Variants in FER1L5 observed in about 807,000 individuals in gnomAD.
FER1L5 encodes the protein fer-1-like protein 5.
In FER1L5, 187 loss-of-function variants were observed where a neutral mutation model predicts 279.9. The observed-to-expected ratio is 0.67, with a 90% CI of 0.59 to 0.75. The LOEUF (loss-of-function observed/expected upper bound fraction) is 0.75. FER1L5 is among the 30% of genes least tolerant of loss of function. FER1L5 has a pLI of 0.00. For synonymous variants in FER1L5, 921 were observed against 989.7 expected (o/e 0.93, Z 1.30); for missense variants, 2,091 against 2,594.4 (o/e 0.81, Z 4.21).
rs781349656 is a variant in FER1L5, at chr2:96,694,353, C to T, written c.3637-7C>T. On this transcript the variant is annotated splice_polypyrimidine_tract_variant and splice_region_variant and intron_variant, in intron 33 of 52. Transcript: ENST00000624922. This position sits in a 1 kb window ranked among gnomAD's most constrained non-coding sequence, Gnocchi z 4.6. ...CAGAGGGCCTCATGCTCCCTGCCCT[C>T]CCCCAGAAGCTTGGAGAGAAGCAGC... is the stretch of plus-strand genomic sequence containing the variant. 9 of 1,544,538 alleles carry T rather than the reference C, an allele frequency of 5.8e-6. No homozygotes were observed. In the African/African-American group the frequency reaches 9.6e-5, roughly 16 times the overall value.
In FER1L5 at chr2:96,653,640, A is replaced by G; in HGVS notation, c.634A>G (p.Ile212Val). The change falls in exon 8 of 53, where the codon ATC (isoleucine) becomes GTC (valine). Residue 212 changes from isoleucine to valine, a missense_variant and splice_region_variant. Physicochemically the swap from Ile to Val is conservative, Grantham distance 29. Transcript: ENST00000624922. ...KMGNNPFFNE[I>V]FFQNFHEVPA... ...TCTACCCCAATTCTCTTTGCCTCAGATCTTCTTCCAGAATTTTCATGAGGT... is the reference window on the plus strand; with the variant it reads ...TCTACCCCAATTCTCTTTGCCTCAGGTCTTCTTCCAGAATTTTCATGAGGT... 1 of 1,551,274 alleles carries G rather than the reference A, an allele frequency of 6.4e-7. No homozygotes were observed. Among genetic ancestry groups the G allele is most frequent in the Non-Finnish European group, 8.7e-7 (1 of 1,146,662 alleles).
At chr2:96,669,298 G>A (rs1013474959) in intron 17 of FER1L5, among the ~76,000 whole-genome samples, 161 bp downstream of exon 17, 9 of 152,182 alleles carry the variant, frequency 5.9e-5, no homozygotes, top group Non-Finnish European at 1.3e-4. Flanking sequence ...GTGCATGTGG[G>A]ACAGGCGTGG....
intron 9 of FER1L5, among the ~76,000 whole-genome samples, chr2:96,659,458 T>C (rs1163888884): frequency 1.1e-4 from 3 of 27,060 alleles, no homozygotes; most frequent in South Asian, 2.2e-3. Flanking sequence ...TCTTTCTTTC[T>C]TTCTTTCTTT....
Position 96,689,786 on chromosome 2 carries a change from T to G in FER1L5, c.2640+28T>G. 1 of 1,518,082 alleles carries G rather than the reference T, an allele frequency of 6.6e-7. No individual in the cohort carries two copies. The highest frequency in any genetic ancestry group is 8.9e-7 in the Non-Finnish European group (1 of 1,129,494). 94.0% of individuals were successfully genotyped at this position (1,518,082 alleles called of 1,614,324 possible). On this transcript the variant is annotated intron_variant, in intron 26 of 52. Transcript: ENST00000624922. The surrounding 1 kb of genome is among the most constrained non-coding windows in gnomAD (Gnocchi z 4.6). The stretch of plus-strand genomic sequence containing the variant: ...GAGCAGGGCCGAAGCTGCCTCGGGT[T>G]AGGGGGCAAGCAAGGCCACCAGGCG...
chr2:96,694,430 G>A lies in FER1L5; in HGVS notation c.3707G>A (p.Ser1236Asn). 3 of 1,549,402 alleles carry A rather than the reference G, an allele frequency of 1.9e-6. No homozygotes were observed. The highest frequency in any genetic ancestry group is 2.6e-6 in the Non-Finnish European group (3 of 1,145,660). ...WKNGAYTLPKSIQPTIKRMAI... is the reference protein window; with the variant it reads ...WKNGAYTLPKNIQPTIKRMAI... ...AATGGGGCATACACACTCCCCAAGA[G>A]CATCCAGCCCACGATAAAGAGGATG... is the stretch of plus-strand genomic sequence containing the variant. The change falls in exon 34 of 53, where the codon AGC (serine) becomes AAC (asparagine). Residue 1236 changes from serine (S) to asparagine (N), a missense_variant. Physicochemically the swap from Ser to Asn is conservative, Grantham distance 46. Coordinates refer to ENST00000624922, the MANE Select transcript of FER1L5 (RefSeq NM_001293083.2). The surrounding 1 kb of genome is among the most constrained non-coding windows in gnomAD (Gnocchi z 4.6).
chr2:96,680,540 C>T (rs751150293), intron 19 of FER1L5, among the ~76,000 whole-genome samples: 32 of 151,802 alleles, frequency 2.1e-4, no homozygotes, highest in Non-Finnish European at 4.3e-4. Context: ...ATAGAAAGTC[C>T]TTAGGTGACC....
chr2:96,670,745 C>G (rs1246097472), intron 18 of FER1L5, among the ~76,000 whole-genome samples: 1 of 151,022 alleles, frequency 6.6e-6, no homozygotes, highest in Non-Finnish European at 1.5e-5. Context: ...GAGATTGTGC[C>G]ACTGCACTCC....
Position 96,673,123 on chromosome 2 carries a change from C to A in FER1L5, c.1538C>A (p.Ser513Tyr). The A allele has an allele frequency of 6.4e-7, 1 of 1,551,616 alleles. No individual in the cohort carries two copies. Among genetic ancestry groups the A allele is most frequent in the Non-Finnish European group, 8.7e-7 (1 of 1,146,966 alleles). ...QKYGLCVIFL[S>Y]CTMMPNFKEL... ...TATGGGCTGTGCGTCATCTTCCTTT[C>A]CTGTACCATGATGCCCAACTTTAAA... Residue 513 changes from serine to tyrosine, a missense_variant, in exon 19 of 53, where the codon TCC becomes TAC. Physicochemically the swap from Ser to Tyr is moderately radical, Grantham distance 144. Transcript: ENST00000624922.
intron 8 of FER1L5, chr2:96,654,013 A>C: frequency 2.5e-6 from 1 of 405,456 alleles, no homozygotes; most frequent in Non-Finnish European, 4.4e-6. Context: ...TTCCCTAACC[A>C]AAGGGAGCCA....
rs1033067158 is a variant in FER1L5 at position 96,694,821 on chromosome 2, A to G, written c.3741+357A>G. ...GATGCAGGGACTAACTGACAGGGCC[A>G]TTTAGGCCCAGCCCTGTCTGACTGC... On this transcript the variant is annotated intron_variant, in intron 34 of 52. Transcript: ENST00000624922. This position sits in a 1 kb window ranked among gnomAD's most constrained non-coding sequence, Gnocchi z 4.6. 2 of 175,158 alleles carry G rather than the reference A, an allele frequency of 1.1e-5. No homozygotes were observed. The highest frequency in any genetic ancestry group is 2.4e-5 in the African/African-American group (1 of 42,432). The allele number at this position is 175,158 out of a possible 1,614,324, so 10.9% of individuals were successfully genotyped here.
At chr2:96,693,345 G>A (rs890730556) in intron 31 of FER1L5, among the ~76,000 whole-genome samples, 161 bp from the exon 32 acceptor site, 5 of 152,144 alleles carry the variant, frequency 3.3e-5, no homozygotes, top group East Asian at 1.9e-4. Flanking sequence ...GACAGGCCCC[G>A]GTGCTCTGCA....
rs368369982 is a variant in FER1L5 at position 96,694,489 on chromosome 2, G to A, written c.3741+25G>A. The A allele has an allele frequency of 2.6e-6, 4 of 1,520,452 alleles. No homozygotes were observed. Among genetic ancestry groups the A allele is most frequent in the East Asian group, 2.5e-5 (1 of 40,068 alleles). The allele number at this position is 1,520,452 out of a possible 1,614,324, so 94.2% of individuals were successfully genotyped here. A position where few individuals can be genotyped will look rare whatever the true frequency, so the allele number is the denominator to read the frequency against. ...GGTGCTGGCGATGTGGGATGGGGAC[G>A]GTGGGCAGGACAGGCGGGGGTGGTC... On this transcript the variant is annotated intron_variant, in intron 34 of 52. Coordinates refer to ENST00000624922, the MANE Select transcript of FER1L5 (RefSeq NM_001293083.2). This position sits in a 1 kb window ranked among gnomAD's most constrained non-coding sequence, Gnocchi z 4.6.
chr2:96,662,283 TTC>T lies in FER1L5; in HGVS notation c.1071+18_1071+19del. ...TGGGGAAAAGGTAAGTGTAGAAATATTCTGAGACCCAGAGAGATTGGCATCTA... is the reference window on the plus strand; with the variant it reads ...TGGGGAAAAGGTAAGTGTAGAAATATTGAGACCCAGAGAGATTGGCATCTA... On this transcript the variant is annotated intron_variant, in intron 13 of 52. Transcript: ENST00000624922. 3 of 1,551,172 alleles carry T rather than the reference TTC, an allele frequency of 1.9e-6. No individual in the cohort carries two copies. The highest frequency in any genetic ancestry group is 2.6e-6 in the Non-Finnish European group (3 of 1,146,572).
At position 96,691,371 on chromosome 2, in the gene FER1L5, G is replaced by A. The variant is rs62156206; in HGVS notation, c.2907+18G>A. 102,260 of 1,544,700 alleles carry A rather than the reference G, an allele frequency of 0.066. 3,755 individuals are homozygous for A. The highest frequency in any genetic ancestry group is 0.13 in the Middle Eastern group (772 of 5,962). On this transcript the variant is annotated intron_variant, in intron 28 of 52. Coordinates refer to ENST00000624922, the MANE Select transcript of FER1L5 (RefSeq NM_001293083.2). The surrounding 1 kb of genome is among the most constrained non-coding windows in gnomAD (Gnocchi z 6.0). ...TGCAGCTGGTGAGGGGTCGACGGGC[G>A]CCCTGGCTGGGACTGCGGGCAGGGC...
chr2:96,659,374 TTTC>T (rs2075794309), intron 9 of FER1L5, among the ~76,000 whole-genome samples: 1 of 14,078 alleles, frequency 7.1e-5, no homozygotes, highest in African/African-American at 4.4e-4. Context: ...TCTTTCTTTC[TTTC>T]TTTCTTTCTT....
chr2:96,659,346 C>CTTCCTTCTTTCTTTCTTTCTTTCT (rs2075768260), intron 9 of FER1L5, among the ~76,000 whole-genome samples: 1 of 78,348 alleles, frequency 1.3e-5, no homozygotes, highest in Non-Finnish European at 2.4e-5. Context: ...TCCTTCCTTC[C>CTTCCTTCTTTCTTTCTTTCTTTCT]TTCCTTCCTT....
intron 37 of FER1L5, among the ~76,000 whole-genome samples, 172 bp from the exon 38 acceptor site, chr2:96,697,354 C>T (rs566512830): frequency 1.3e-5 from 2 of 152,198 alleles, no homozygotes; most frequent in Non-Finnish European, 2.9e-5. Flanking sequence ...TATCTGTCCC[C>T]TCCTTCTTGC....
intron 9 of FER1L5, among the ~76,000 whole-genome samples, chr2:96,659,290 T>TTGCCTTCCTTCCTTCCTTCC (rs1553449027): frequency 1.2e-4 from 10 of 81,030 alleles, no homozygotes; most frequent in African/African-American, 2.9e-4. Context: ...TTTATCAAGC[T>TTGCCTTCCTTCCTTCCTTCC]TTCCTTCCTT....
intron 9 of FER1L5, among the ~76,000 whole-genome samples, chr2:96,659,376 T>TCTTTCTTTCTTTCTTTCTTTCTTTC (rs2075795092): frequency 4.3e-4 from 5 of 11,502 alleles, no homozygotes; most frequent in Admixed American, 2.5e-3. Flanking sequence ...TTTCTTTCTT[T>TCTTTCTTTCTTTCTTTCTTTCTTTC]CTTTCTTTCT....
Sources: allele counts gnomAD v4.1 joint callset (sites outside exome capture counted in the v4.1 genomes callset), GRCh38; gene constraint gnomAD v4.1.1; non-coding constraint Gnocchi (gnomAD v3.1); transcripts MANE v1.5; gene names NCBI Gene and HGNC (gene_info 2026-07-23, HGNC 2026-07-21).